The following HS6ST3 variants were observed in gnomAD, a reference collection of about 807,000 sequenced individuals.
HS6ST3 encodes heparan sulfate 6-O-sulfotransferase 3.
A neutral mutation model predicts 36.7 loss-of-function variants in HS6ST3; 12 were observed. The ratio of observed to expected loss-of-function variants is 0.33; its 90% CI spans 0.21 to 0.53. The LOEUF is 0.53. Among genes scored for constraint, HS6ST3 ranks in the 20% least tolerant of loss-of-function variants. The probability of loss-of-function intolerance (pLI) is 0.95; values close to 1 mark genes in which losing one functional copy is unlikely to be tolerated. For missense variants in HS6ST3, 584 were observed against 640.9 expected (o/e 0.91, Z 0.96); for synonymous variants, 240 against 257.5 (o/e 0.93, Z 0.65).
intron 1 of HS6ST3, among the ~76,000 whole-genome samples, chr13:96,394,078 T>C (rs1459885286): frequency 6.6e-6 from 1 of 152,204 alleles, no homozygotes; most frequent in Non-Finnish European, 1.5e-5. Context: ...CAAAATATGC[T>C]TTTTTCAGTA....
At chr13:96,686,217 T>TAC (rs1874774758) in intron 1 of HS6ST3, among the ~76,000 whole-genome samples, 1 of 151,858 alleles carries the variant, frequency 6.6e-6, no homozygotes, top group Non-Finnish European at 1.5e-5. Context: ...CACCTATTTG[T>TAC]TCAAGCAAAT....
At chr13:96,430,985 A>T (rs915442092) in intron 1 of HS6ST3, among the ~76,000 whole-genome samples, 1 of 152,008 alleles carries the variant, frequency 6.6e-6, no homozygotes, top group Non-Finnish European at 1.5e-5. Context: ...AAGGTGCGGG[A>T]TTCGCTTGAG....
rs114985691 is a variant in HS6ST3 at position 96,650,415 on chromosome 13, C to T, written c.708-182075C>T. On this transcript the variant is annotated intron_variant, in intron 1 of 1. Transcript: ENST00000376705. ...TTTCATTTCTGTCTTATATCTATAT[C>T]GAAGTCATTCCTCTTCTACATTCTT... is the stretch of plus-strand genomic sequence containing the variant. Among the ~76,000 whole-genome samples the T allele has an allele frequency of 5.5e-3, 829 of 151,928 alleles. 5 individuals carry two copies. Among genetic ancestry groups the T allele is most frequent in the African/African-American group, 0.019 (783 of 41,458 alleles).
chr13:96,536,677 G>A (rs1048502839), intron 1 of HS6ST3, among the ~76,000 whole-genome samples: 1 of 152,192 alleles, frequency 6.6e-6, no homozygotes, highest in African/African-American at 2.4e-5. Context: ...GTCCTCAAGG[G>A]ACAGATTGGT....
At chr13:96,576,349 C>G (rs1021327241) in intron 1 of HS6ST3, among the ~76,000 whole-genome samples, 3 of 152,114 alleles carry the variant, frequency 2.0e-5, no homozygotes, top group Non-Finnish European at 2.9e-5. Flanking sequence ...TTTATGACTT[C>G]CTGCTGCTGA....
intron 1 of HS6ST3, among the ~76,000 whole-genome samples, chr13:96,662,392 A>G (rs1278341299): frequency 2.4e-4 from 37 of 152,116 alleles, no homozygotes; most frequent in Non-Finnish European, 2.9e-5. Flanking sequence ...GGTCTAGTCT[A>G]TTGTTGAAGC....
At chr13:96,145,145 T>C (rs2054051110) in intron 1 of HS6ST3, among the ~76,000 whole-genome samples, 1 of 135,932 alleles carries the variant, frequency 7.4e-6, no homozygotes, top group Admixed American at 7.5e-5. Flanking sequence ...GCAGCATGAT[T>C]TATAATCCTT....
intron 1 of HS6ST3, among the ~76,000 whole-genome samples, chr13:96,746,426 A>T (rs990348108): frequency 6.6e-6 from 1 of 152,094 alleles, no homozygotes; most frequent in South Asian, 2.1e-4. Context: ...GTAAAGAAGG[A>T]TAGTAATTGA....
At chr13:96,152,123 A>ACTTT (rs1262580839) in intron 1 of HS6ST3, among the ~76,000 whole-genome samples, 3 of 152,082 alleles carry the variant, frequency 2.0e-5, no homozygotes, top group Admixed American at 1.3e-4. Context: ...GCTCTTGAAT[A>ACTTT]CTTTCTTTTC....
At chr13:96,538,904 G>C (rs1225766428) in intron 1 of HS6ST3, among the ~76,000 whole-genome samples, 11 of 152,148 alleles carry the variant, frequency 7.2e-5, no homozygotes, top group African/African-American at 2.4e-4. Context: ...AAAGACTTGG[G>C]TCAGAGATGA....
chr13:96,491,998 A>C (rs901386138), intron 1 of HS6ST3, among the ~76,000 whole-genome samples: 1 of 152,258 alleles, frequency 6.6e-6, no homozygotes, highest in South Asian at 2.1e-4. Flanking sequence ...CTGGCCCCCC[A>C]CAATGAGAGC....
chr13:96,392,163 A>T (rs914758275), intron 1 of HS6ST3, among the ~76,000 whole-genome samples: 1 of 152,190 alleles, frequency 6.6e-6, no homozygotes, highest in Non-Finnish European at 1.5e-5. Context: ...AGCCTTTTGT[A>T]TGTGGTCTTT....
intron 1 of HS6ST3, among the ~76,000 whole-genome samples, chr13:96,490,286 G>A (rs2055938115): frequency 6.6e-6 from 1 of 152,072 alleles, no homozygotes; most frequent in African/African-American, 2.4e-5. Flanking sequence ...CAGAATAAGG[G>A]CATCTGACAT....
At chr13:96,443,607 A>T (rs1256733608) in intron 1 of HS6ST3, among the ~76,000 whole-genome samples, 2 of 152,102 alleles carry the variant, frequency 1.3e-5, no homozygotes, top group East Asian at 3.9e-4. Flanking sequence ...TCATAACACA[A>T]ATTTCTATTT....
intron 1 of HS6ST3, among the ~76,000 whole-genome samples, chr13:96,363,774 GA>G (rs1194793622): frequency 6.6e-6 from 1 of 152,118 alleles, no homozygotes. Flanking sequence ...CAAAAGATGA[GA>G]AGGAAAGGGT....
chr13:96,134,005 T>C (rs1157218533), intron 1 of HS6ST3, among the ~76,000 whole-genome samples: 1 of 152,188 alleles, frequency 6.6e-6, no homozygotes, highest in Non-Finnish European at 1.5e-5. Flanking sequence ...CATACAGATA[T>C]CCTGTTTTCT....
At chr13:96,165,041 T>G (rs1296693606) in intron 1 of HS6ST3, among the ~76,000 whole-genome samples, 1 of 152,212 alleles carries the variant, frequency 6.6e-6, no homozygotes, top group Admixed American at 6.5e-5. Flanking sequence ...CCTCACCTGA[T>G]TTTTTGTCTT....
At chr13:96,371,204 A>G (rs935696814) in intron 1 of HS6ST3, among the ~76,000 whole-genome samples, 29 of 152,202 alleles carry the variant, frequency 1.9e-4, no homozygotes, top group African/African-American at 6.3e-4. Context: ...ACATGACATT[A>G]TCAACCTTTA....
At chr13:96,106,225 C>G (rs1370054117) in intron 1 of HS6ST3, among the ~76,000 whole-genome samples, 1 of 152,180 alleles carries the variant, frequency 6.6e-6, no homozygotes, top group Non-Finnish European at 1.5e-5. Flanking sequence ...CCTTCATGCC[C>G]TGTATTGGCT....
Sources: allele counts gnomAD v4.1 joint callset (sites outside exome capture counted in the v4.1 genomes callset), GRCh38; gene constraint gnomAD v4.1.1; transcripts MANE v1.5; gene names NCBI Gene and HGNC (gene_info 2026-07-23, HGNC 2026-07-21).